Variants in PRKG1 observed in about 807,000 individuals in gnomAD.
PRKG1 encodes the protein protein kinase cGMP-dependent 1, also known as cGMP-dependent protein kinase 1.
A neutral mutation model predicts 88.1 loss-of-function variants in PRKG1; 35 were observed. The observed-to-expected ratio is 0.40, with a 90% CI of 0.30 to 0.53. PRKG1 has a LOEUF of 0.53. PRKG1 is among the 20% of genes least tolerant of loss of function. PRKG1 has a pLI of 0.59. For synonymous variants in PRKG1, 303 were observed against 292.5 expected, an observed-to-expected ratio of 1.04 and a Z score of -0.37; for missense variants, 540 against 839.8, an observed-to-expected ratio of 0.64 and a Z score of 4.41.
At position 51,656,375 on chromosome 10, in the gene PRKG1, C is replaced by T. The variant is rs148441197; in HGVS notation, c.593-148210C>T. ...GATCACACTTGGTCGTGCTCTCTGA[C>T]GTCCCCAATATGTGCACATCAATTC... is the stretch of plus-strand genomic sequence containing the variant. On this transcript the variant is annotated intron_variant, in intron 3 of 17. Coordinates refer to ENST00000373980, the MANE Select transcript of PRKG1 (RefSeq NM_006258.4). Among the ~76,000 whole-genome samples the T allele has an allele frequency of 5.9e-5, 9 of 152,182 alleles. No homozygotes were observed. The East Asian group carries it at 7.7e-4, about 13-fold the overall frequency.
At chr10:51,034,668 T>TTTTATATATATATATATATATATATA (rs9299454) in intron 1 of PRKG1, among the ~76,000 whole-genome samples, 1 of 68,188 alleles carries the variant, frequency 1.5e-5, no homozygotes, top group Non-Finnish European at 2.7e-5. Flanking sequence ...AATATGTTAT[T>TTTTATATATATATATATATATATATA]TATATATATA....
intron 3 of PRKG1, among the ~76,000 whole-genome samples, chr10:51,709,331 T>C (rs1399680358): frequency 6.6e-6 from 1 of 152,208 alleles, no homozygotes; most frequent in Non-Finnish European, 1.5e-5. Flanking sequence ...CCATTTTTCT[T>C]GACAGTTTAA....
At chr10:51,610,060 G>T (rs79672948) in intron 3 of PRKG1, among the ~76,000 whole-genome samples, 1 of 152,072 alleles carries the variant, frequency 6.6e-6, no homozygotes, top group African/African-American at 2.4e-5. Context: ...ATTTTGCCAC[G>T]TGAATAGAAT....
chr10:51,812,201 A>G (rs1839474388), intron 4 of PRKG1, among the ~76,000 whole-genome samples: 1 of 152,194 alleles, frequency 6.6e-6, no homozygotes, highest in South Asian at 2.1e-4. Flanking sequence ...TAGCATAAAA[A>G]TCCATGCTTA....
intron 9 of PRKG1, among the ~76,000 whole-genome samples, chr10:52,228,252 A>G (rs1020024969): frequency 6.6e-6 from 1 of 151,662 alleles, no homozygotes; most frequent in Non-Finnish European, 1.5e-5. Flanking sequence ...ATCCAAAAAT[A>G]TTCTGATTTG....
At chr10:51,525,011 C>T (rs945815990) in intron 3 of PRKG1, among the ~76,000 whole-genome samples, 1 of 151,982 alleles carries the variant, frequency 6.6e-6, no homozygotes, top group South Asian at 2.1e-4. Flanking sequence ...TAAACAAGAA[C>T]AATGTTCCCT....
At chr10:51,584,015 A>C (rs1363154235) in intron 3 of PRKG1, among the ~76,000 whole-genome samples, 1 of 152,114 alleles carries the variant, frequency 6.6e-6, no homozygotes. Flanking sequence ...TCTAGCACTT[A>C]TAGCACTTAA....
chr10:51,513,385 A>G (rs1433707281), intron 3 of PRKG1, among the ~76,000 whole-genome samples: 2 of 119,320 alleles, frequency 1.7e-5, no homozygotes, highest in Non-Finnish European at 3.5e-5. Flanking sequence ...AGACTCCCAC[A>G]CATTAATAAT....
At chr10:51,838,010 G>T (rs553770994) in intron 4 of PRKG1, among the ~76,000 whole-genome samples, 16 of 152,162 alleles carry the variant, frequency 1.1e-4, no homozygotes, top group Non-Finnish European at 2.1e-4. Flanking sequence ...CTTTAGTCCT[G>T]ACTCTTATCT....
intron 3 of PRKG1, among the ~76,000 whole-genome samples, chr10:51,507,670 G>A (rs1841264033): frequency 6.6e-6 from 1 of 152,072 alleles, no homozygotes; most frequent in Non-Finnish European, 1.5e-5. Context: ...CTGGTTGAGA[G>A]AAAAGAGCTG....
chr10:51,192,057 G>A (rs1302977655), intron 2 of PRKG1, among the ~76,000 whole-genome samples: 2 of 151,418 alleles, frequency 1.3e-5, no homozygotes, highest in Non-Finnish European at 3.0e-5. Context: ...CTGTGGACTA[G>A]AGCCATGCAC....
intron 2 of PRKG1, among the ~76,000 whole-genome samples, chr10:51,369,639 G>A (rs1554800423): frequency 6.6e-6 from 1 of 152,104 alleles, no homozygotes; most frequent in Non-Finnish European, 1.5e-5. Flanking sequence ...CTGGAATCCA[G>A]GTCTCTTGGT....
intron 7 of PRKG1, among the ~76,000 whole-genome samples, chr10:52,079,434 T>C (rs1846712848): frequency 6.6e-6 from 1 of 152,096 alleles, no homozygotes; most frequent in African/African-American, 2.4e-5. Context: ...AAAAGAATCT[T>C]TGGGGTCAGA....
intron 1 of PRKG1, among the ~76,000 whole-genome samples, chr10:51,098,821 G>T (rs1469763762): frequency 3.3e-5 from 5 of 152,044 alleles, no homozygotes; most frequent in African/African-American, 1.2e-4. Context: ...ATCCACTTTT[G>T]CTTCCAATAG....
intron 5 of PRKG1, among the ~76,000 whole-genome samples, chr10:51,959,907 G>T (rs562340127): frequency 7.9e-5 from 12 of 152,080 alleles, no homozygotes; most frequent in African/African-American, 2.4e-4. Context: ...TTTCTACTTT[G>T]TTTCACATTA....
At chr10:51,628,203 T>A (rs1327767623) in intron 3 of PRKG1, among the ~76,000 whole-genome samples, 2 of 149,612 alleles carry the variant, frequency 1.3e-5, no homozygotes, top group Non-Finnish European at 3.0e-5. Context: ...TCTTTCTCAT[T>A]CTGTTATCCA....
At chr10:52,011,465 C>T (rs996881367) in intron 5 of PRKG1, among the ~76,000 whole-genome samples, 1 of 152,114 alleles carries the variant, frequency 6.6e-6, no homozygotes, top group African/African-American at 2.4e-5. Context: ...TTCCTTTCTC[C>T]CCTCCGCCTC....
chr10:51,040,311 CTTTTTTTTTTT>C (rs34444612), intron 1 of PRKG1, among the ~76,000 whole-genome samples: 6 of 42,584 alleles, frequency 1.4e-4, no homozygotes, highest in African/African-American at 1.8e-4. Flanking sequence ...TTCTTTTTCT[CTTTTTTTTTTT>C]TTTTTTTTTT....
chr10:51,801,514 C>G (rs547220456), intron 3 of PRKG1, among the ~76,000 whole-genome samples: 1 of 151,994 alleles, frequency 6.6e-6, no homozygotes, highest in African/African-American at 2.4e-5. Context: ...TTTTCTATCC[C>G]GTAGATCTAG....
Sources: allele counts gnomAD v4.1 joint callset (sites outside exome capture counted in the v4.1 genomes callset), GRCh38; gene constraint gnomAD v4.1.1; transcripts MANE v1.5; gene names NCBI Gene and HGNC (gene_info 2026-07-23, HGNC 2026-07-21).